The following PPM1L variants were observed in gnomAD, a reference collection of about 807,000 sequenced individuals.
The protein encoded by PPM1L is protein phosphatase 1L.
PPM1L carries 13 observed loss-of-function variants against 31.4 expected under a neutral mutation model. That is an observed-to-expected ratio of 0.41 (90% CI 0.27 to 0.66). The LOEUF (loss-of-function observed/expected upper bound fraction) is 0.66, where lower values mean the gene tolerates loss of function less well. PPM1L is among the 30% of genes least tolerant of loss of function. The pLI, the probability that PPM1L is intolerant of heterozygous loss-of-function variation, is 0.29. For missense variants in PPM1L, 326 were observed against 453.7 expected, an observed-to-expected ratio of 0.72 and a Z score of 2.56; for synonymous variants, 184 against 175.4, an observed-to-expected ratio of 1.05 and a Z score of -0.39.
intron 2 of PPM1L, among the ~76,000 whole-genome samples, chr3:161,046,673 C>T: frequency 6.6e-6 from 1 of 152,128 alleles, no homozygotes. Flanking sequence ...TGATGAACAT[C>T]AATGCAAAAA....
chr3:160,954,940 CTTCCTTCCTTCCTTCCTTCCT>C lies in PPM1L; in HGVS notation c.400-6789_400-6769del, dbSNP rs1341818256. On this transcript the variant is annotated intron_variant, in intron 1 of 3. Coordinates refer to ENST00000498165, the MANE Select transcript of PPM1L (RefSeq NM_139245.4). ...CCTTCCTTCTTTCCTTCCTTCCTTC[CTTCCTTCCTTCCTTCCTTCCT>C]TTCCTTTCCTTTCCTTTCCTTTCCT... 2.5e-3 allele frequency among the ~76,000 whole-genome samples: 131 copies of C among 52,666 alleles called. 1 individual carries two copies. Among genetic ancestry groups the C allele is most frequent in the African/African-American group, 0.01 (122 of 12,032 alleles). 34.6% of individuals were successfully genotyped at this position (52,666 alleles called of 152,430 possible).
rs113687984 is a variant in PPM1L at position 160,773,523 on chromosome 3, G to C, written c.399+16816G>C. 5.5e-3 allele frequency among the ~76,000 whole-genome samples: 843 copies of C among 152,290 alleles called. 10 individuals are homozygous for C. The highest frequency in any genetic ancestry group is 0.019 in the African/African-American group (791 of 41,572). On this transcript the variant is annotated intron_variant, in intron 1 of 3. Transcript: ENST00000498165. ...AGGGAATCAGATGGAAACAAGGAGG[G>C]TAGAAAAGAAAGATTAGGGCCTGTG... is the stretch of plus-strand genomic sequence containing the variant.
intron 2 of PPM1L, among the ~76,000 whole-genome samples, chr3:160,982,792 T>G (rs1288264594): frequency 6.6e-6 from 1 of 152,184 alleles, no homozygotes; most frequent in African/African-American, 2.4e-5. Context: ...TCTCCACCTC[T>G]GATTCTCTGT....
chr3:161,012,062 G>T (rs963161991), intron 2 of PPM1L, among the ~76,000 whole-genome samples: 2 of 152,186 alleles, frequency 1.3e-5, no homozygotes, highest in African/African-American at 2.4e-5. Context: ...ATGTTGAATA[G>T]GAGTGGTGAG....
At chr3:161,045,975 G>C (rs1405843083) in intron 2 of PPM1L, among the ~76,000 whole-genome samples, 2 of 151,882 alleles carry the variant, frequency 1.3e-5, no homozygotes, top group Non-Finnish European at 2.9e-5. Flanking sequence ...GCCAGGCGTG[G>C]TGGCAGGTGC....
intron 2 of PPM1L, among the ~76,000 whole-genome samples, chr3:161,023,127 G>GTTTTTTTTTT (rs35722797): frequency 1.4e-5 from 2 of 142,940 alleles, no homozygotes; most frequent in Non-Finnish European, 1.5e-5. Context: ...CATTATGAGG[G>GTTTTTTTTTT]TTTTTTTTTT....
intron 1 of PPM1L, among the ~76,000 whole-genome samples, chr3:160,854,673 A>G (rs1711625230): frequency 6.6e-6 from 1 of 152,072 alleles, no homozygotes; most frequent in African/African-American, 2.4e-5. Flanking sequence ...AAAGATTTCA[A>G]TGAGAATTAC....
chr3:161,036,677 G>C (rs1038882136), intron 2 of PPM1L, among the ~76,000 whole-genome samples: 1 of 152,168 alleles, frequency 6.6e-6, no homozygotes, highest in East Asian at 1.9e-4. Context: ...TGTTTATCTA[G>C]GTTTTTTTCT....
At chr3:161,026,560 G>C (rs1718398372) in intron 2 of PPM1L, among the ~76,000 whole-genome samples, 1 of 151,856 alleles carries the variant, frequency 6.6e-6, no homozygotes, top group Non-Finnish European at 1.5e-5. Flanking sequence ...GCTGGGCACG[G>C]TGGTGGGCGC....
In PPM1L at chr3:160,756,916, T is replaced by C. The variant is rs1714824878; in HGVS notation, c.399+209T>C. 6.6e-6 allele frequency among the ~76,000 whole-genome samples: 1 copy of C among 151,930 alleles called. No homozygotes were observed. Among genetic ancestry groups the C allele is most frequent in the Admixed American group, 6.6e-5 (1 of 15,260 alleles). On this transcript the variant is annotated intron_variant, in intron 1 of 3. Coordinates refer to ENST00000498165, the MANE Select transcript of PPM1L (RefSeq NM_139245.4). This position sits in a 1 kb window ranked among gnomAD's most constrained non-coding sequence, Gnocchi z 6.2. ...GCCAAAAGCACTGCTGGATCCAGAC[T>C]TCTTGGTGCTGAGGGTCCACTTTAG... is the stretch of plus-strand genomic sequence containing the variant.
intron 2 of PPM1L, among the ~76,000 whole-genome samples, chr3:160,995,541 G>A (rs1386437762): frequency 3.3e-5 from 5 of 152,072 alleles, no homozygotes; most frequent in African/African-American, 1.2e-4. Context: ...AGCTGGTCTC[G>A]AACTCCTGTC....
rs112264135 is a variant in PPM1L, at chr3:160,884,263, C to G, written c.400-77473C>G. Among the ~76,000 whole-genome samples, 417 of 152,270 alleles carry G rather than the reference C, an allele frequency of 2.7e-3. 4 individuals are homozygous for G. The highest frequency in any genetic ancestry group is 2.8e-3 in the Non-Finnish European group (191 of 68,012). On this transcript the variant is annotated intron_variant, in intron 1 of 3. Coordinates refer to ENST00000498165, the MANE Select transcript of PPM1L (RefSeq NM_139245.4). ...GAGAAGCCAGTTAGTTGTGGACAAT[C>G]AAGAAAGGCTTTGTGGAGGAGCTGG...
At chr3:160,913,016 A>G (rs912125669) in intron 1 of PPM1L, among the ~76,000 whole-genome samples, 4 of 152,184 alleles carry the variant, frequency 2.6e-5, no homozygotes, top group African/African-American at 9.7e-5. Flanking sequence ...ATGGGGTAAG[A>G]TGAATATGAA....
chr3:160,831,055 G>A (rs1333135510), intron 1 of PPM1L, among the ~76,000 whole-genome samples: 1 of 152,198 alleles, frequency 6.6e-6, no homozygotes, highest in African/African-American at 2.4e-5. Context: ...AATATTGGAT[G>A]CATTGGAATG....
chr3:160,880,894 AC>A (rs1378817820), intron 1 of PPM1L, among the ~76,000 whole-genome samples: 6 of 152,074 alleles, frequency 3.9e-5, no homozygotes, highest in Non-Finnish European at 8.8e-5. Context: ...TACACATTCA[AC>A]CCTCTTTCAA....
At chr3:161,005,758 T>G (rs1717683173) in intron 2 of PPM1L, among the ~76,000 whole-genome samples, 1 of 152,190 alleles carries the variant, frequency 6.6e-6, no homozygotes, top group South Asian at 2.1e-4. Context: ...CTATTATTCT[T>G]TAGACTGGGC....
Position 160,955,896 on chromosome 3 carries a change from C to T in PPM1L, c.400-5840C>T, listed in dbSNP as rs1013166980. Among the ~76,000 whole-genome samples the T allele has an allele frequency of 2.6e-5, 4 of 151,902 alleles. 1 individual carries two copies. The highest frequency in any genetic ancestry group is 2.1e-4 in the South Asian group (1 of 4,804). On this transcript the variant is annotated intron_variant, in intron 1 of 3. Transcript: ENST00000498165. Reference sequence around the variant, plus strand: ...GTCTCCATCTCCTGACCTCATGATCCGCCCGCCTCAGCCTCCCAAAGTGCT... The same window carrying T: ...GTCTCCATCTCCTGACCTCATGATCTGCCCGCCTCAGCCTCCCAAAGTGCT...
chr3:160,871,845 C>CT (rs140101203), intron 1 of PPM1L, among the ~76,000 whole-genome samples: 4,240 of 151,256 alleles, frequency 0.028, 74 homozygotes, highest in Middle Eastern at 0.054. Flanking sequence ...TAAAGTATTC[C>CT]TTTTTTATTA....
At chr3:160,982,923 A>T (rs991154556) in intron 2 of PPM1L, among the ~76,000 whole-genome samples, 4 of 152,228 alleles carry the variant, frequency 2.6e-5, no homozygotes, top group Non-Finnish European at 4.4e-5. Context: ...TAGATTTTTT[A>T]AAAATGTTAT....
Sources: gnomAD v4.1 joint callset for allele counts (sites outside exome capture counted in the v4.1 genomes callset) on GRCh38, gnomAD v4.1.1 for gene constraint, Gnocchi (gnomAD v3.1) non-coding constraint, MANE v1.5 for transcripts, NCBI Gene and HGNC (gene_info 2026-07-23, HGNC 2026-07-21) for gene names.